The following SRGAP3 variants were observed in gnomAD, a reference collection of about 807,000 sequenced individuals.
SRGAP3 encodes SLIT-ROBO Rho GTPase activating protein 3.
In SRGAP3, 39 loss-of-function variants were observed where a neutral mutation model predicts 121.1. The ratio of observed to expected loss-of-function variants is 0.32; its 90% CI spans 0.25 to 0.42. The LOEUF is 0.42. Among genes scored for constraint, SRGAP3 ranks in the 10% least tolerant of loss-of-function variants. The pLI is 1.00. For synonymous variants in SRGAP3, 601 were observed against 570.0 expected (o/e 1.05, Z -0.77); for missense variants, 1,213 against 1,470.6 (o/e 0.82, Z 2.86).
intron 11 of SRGAP3, chr3:9,033,345 T>C (rs143289328): frequency 6.4e-6 from 1 of 155,414 alleles, no homozygotes; most frequent in Non-Finnish European, 1.4e-5. Context: ...TGCAACTTCT[T>C]TGGGGTCCCT....
intron 1 of SRGAP3, among the ~76,000 whole-genome samples, chr3:9,195,728 G>A (rs1009032630): frequency 6.6e-6 from 1 of 152,098 alleles, no homozygotes; most frequent in Non-Finnish European, 1.5e-5. Flanking sequence ...GGTCAAGGTG[G>A]GAGGATCACT....
chr3:9,136,337 C>T (rs923702879), intron 1 of SRGAP3, among the ~76,000 whole-genome samples: 1 of 151,784 alleles, frequency 6.6e-6, no homozygotes, highest in Admixed American at 6.6e-5. Flanking sequence ...CTGGAGGCAG[C>T]AGATGCCGGG....
chr3:9,058,913 A>T (rs2669998), intron 6 of SRGAP3: 223,099 of 223,100 alleles, frequency 1, 111,549 homozygotes, highest in Non-Finnish European at 1. Flanking sequence ...AGAGACAGGG[A>T]TTTACTGTGT....
At chr3:9,045,138 T>C (rs1490154573) in intron 10 of SRGAP3, among the ~76,000 whole-genome samples, 1 of 150,976 alleles carries the variant, frequency 6.6e-6, no homozygotes, top group Non-Finnish European at 1.5e-5. Context: ...CTTTATACTA[T>C]CTTCCCAACT....
rs778285286 is a variant in SRGAP3, at chr3:9,124,753, T to A, written c.232A>T (p.Ile78Phe). 1.2e-6 allele frequency: 2 copies of A among 1,614,054 alleles called. No homozygotes were observed. Among genetic ancestry groups the A allele is most frequent in the Non-Finnish European group, 1.7e-6 (2 of 1,180,014 alleles). ...EKLAERFSSK[I>F]RSSREHQFKK... ...AACTGGTGCTCCCGGGAGCTGCGGA[T>A]TTTGGAGGAGAAGCGCTCAGCCAGC... Residue 78 changes from isoleucine (I) to phenylalanine (F), a missense_variant, in exon 2 of 22, where the codon ATC becomes TTC. Transcript: ENST00000383836.
intron 4 of SRGAP3, among the ~76,000 whole-genome samples, chr3:9,066,668 G>T (rs374954904): frequency 3.3e-5 from 5 of 152,164 alleles, no homozygotes; most frequent in East Asian, 1.9e-4. Context: ...CCCGGCTAAT[G>T]TTTATATTTT....
chr3:9,348,967 G>A, intron 1 of SRGAP3: 2 of 924,588 alleles, frequency 2.2e-6, no homozygotes, highest in Non-Finnish European at 1.8e-6. Context: ...AGATCAAGGA[G>A]GGGAAGCAGG....
intron 2 of SRGAP3, among the ~76,000 whole-genome samples, chr3:9,110,299 C>T (rs1948569810): frequency 1.4e-5 from 2 of 139,406 alleles, no homozygotes; most frequent in African/African-American, 5.2e-5. Flanking sequence ...AAGGGTGGGG[C>T]GGGGAGGGAG....
intron 1 of SRGAP3, among the ~76,000 whole-genome samples, chr3:9,191,056 A>C (rs1341624901): frequency 6.6e-6 from 1 of 152,122 alleles, no homozygotes. Context: ...CAGAAAAAAA[A>C]AGAAGTTTCT....
chr3:9,237,972 T>TC (rs946509045), intron 1 of SRGAP3, among the ~76,000 whole-genome samples: 9 of 152,050 alleles, frequency 5.9e-5, no homozygotes, highest in African/African-American at 1.9e-4. Flanking sequence ...AGTGATTTTG[T>TC]CCCCAGGGGA....
intron 1 of SRGAP3, among the ~76,000 whole-genome samples, chr3:9,229,489 G>A (rs2648530): frequency 0.39 from 59,477 of 151,690 alleles, 12,248 homozygotes; most frequent in Admixed American, 0.48. Flanking sequence ...TAGGCCAAAG[G>A]CGTTCTCCAC....
At chr3:9,016,136 A>G (rs920692474) in intron 14 of SRGAP3, among the ~76,000 whole-genome samples, 5 of 152,218 alleles carry the variant, frequency 3.3e-5, no homozygotes, top group African/African-American at 1.2e-4. Flanking sequence ...TAACCACAAC[A>G]TTATTACACC....
In SRGAP3 at chr3:9,344,918, T is replaced by A. The variant is rs182659650; in HGVS notation, n.215-14322A>T. ...TGGGTGTGGTGGCGTGCGCCTGTAG[T>A]CCCAGCTACTCAGGAGGCTGAGGCA... is the stretch of plus-strand genomic sequence containing the variant. On this transcript the variant is annotated intron_variant and non_coding_transcript_variant, in intron 1 of 3. Coordinates refer to the SRGAP3 transcript ENST00000490889. Among the ~76,000 whole-genome samples the A allele has an allele frequency of 6.0e-5, 9 of 150,318 alleles. No homozygotes were observed. The East Asian group carries it at 1.6e-3, about 27-fold the overall frequency.
At chr3:9,305,890 A>C (rs1183426065) in intron 3 of SRGAP3, among the ~76,000 whole-genome samples, 2 of 152,186 alleles carry the variant, frequency 1.3e-5, no homozygotes, top group African/African-American at 4.8e-5. Flanking sequence ...GTGTCTTTAT[A>C]GTGGCATGAT....
chr3:9,129,732 G>A (rs1367080611), intron 1 of SRGAP3, among the ~76,000 whole-genome samples: 1 of 151,896 alleles, frequency 6.6e-6, no homozygotes, highest in East Asian at 1.9e-4. Flanking sequence ...TAGGTCATCA[G>A]GATATCAATA....
chr3:9,257,073 A>C, intron 3 of SRGAP3: 1 of 387,734 alleles, frequency 2.6e-6, no homozygotes, highest in Non-Finnish European at 4.5e-6. Flanking sequence ...GTTAGTTCAG[A>C]ACCTAAATGG....
intron 1 of SRGAP3, among the ~76,000 whole-genome samples, chr3:9,164,853 ATCC>A: frequency 6.6e-6 from 1 of 152,334 alleles, no homozygotes. Context: ...CCACAGAGAA[ATCC>A]TCCTTTTACA....
At chr3:9,138,965 C>T (rs990423008) in intron 1 of SRGAP3, among the ~76,000 whole-genome samples, 4 of 152,170 alleles carry the variant, frequency 2.6e-5, no homozygotes, top group African/African-American at 9.7e-5. Flanking sequence ...GTGCTCATGC[C>T]TCATCTTCAA....
chr3:9,062,910 G>A (rs928448710), intron 5 of SRGAP3, among the ~76,000 whole-genome samples: 1 of 152,100 alleles, frequency 6.6e-6, no homozygotes, highest in Non-Finnish European at 1.5e-5. Context: ...GAGTCACATG[G>A]TAACTTAGTC....
Sources: gnomAD v4.1 joint callset for allele counts (sites outside exome capture counted in the v4.1 genomes callset) on GRCh38, gnomAD v4.1.1 for gene constraint, MANE v1.5 for transcripts, NCBI Gene and HGNC (gene_info 2026-07-23, HGNC 2026-07-21) for gene names.